Variants in DTL observed in about 807,000 individuals in gnomAD.
DTL encodes denticleless protein homolog.
Under a neutral mutation model 87.0 loss-of-function variants are expected in DTL, and 46 were observed. The observed-to-expected ratio is 0.53, with a 90% confidence interval of 0.42 to 0.68. The LOEUF (loss-of-function observed/expected upper bound fraction) is 0.68. Among genes scored for constraint, DTL ranks in the 30% least tolerant of loss-of-function variants. The pLI is 0.00. For missense variants in DTL, 737 were observed against 869.4 expected (o/e 0.85, Z 1.91); for synonymous variants, 308 against 311.2 (o/e 0.99, Z 0.11).
intron 2 of DTL, among the ~76,000 whole-genome samples, chr1:212,044,212 T>C (rs1369421867): frequency 6.6e-6 from 1 of 152,238 alleles, no homozygotes; most frequent in Non-Finnish European, 1.5e-5. Context: ...TTGTTTGCCA[T>C]TGGCCAGTAC....
At chr1:212,094,475 C>T (rs755444782) in intron 13 of DTL, among the ~76,000 whole-genome samples, 6 of 152,148 alleles carry the variant, frequency 3.9e-5, no homozygotes, top group Non-Finnish European at 5.9e-5. Context: ...TATTTTTATA[C>T]GAGTACCGTG....
At position 212,100,713 on chromosome 1, in the gene DTL, A is replaced by G. The variant is rs1655595341; in HGVS notation, c.1723A>G (p.Thr575Ala). 1 of 1,614,010 alleles carries G rather than the reference A, an allele frequency of 6.2e-7. No individual in the cohort carries two copies. Among genetic ancestry groups the G allele is most frequent in the African/African-American group, 1.3e-5 (1 of 74,912 alleles). Reference protein sequence around the residue: ...QKCVKSCNCVTELDGQVENLH... With the variant: ...QKCVKSCNCVAELDGQVENLH... ...GTGTGTGAAGAGTTGTAACTGTGTG[A>G]CTGAGCTTGATGGCCAAGTTGAAAA... The change falls in exon 14 of 15, where the codon ACT becomes GCT. Residue 575 changes from threonine to alanine, a missense_variant. By Grantham distance (58) the Thr-to-Ala change is moderately conservative. Transcript: ENST00000366991.
intron 13 of DTL, chr1:212,099,641 G>A (rs1352163371): frequency 1.3e-5 from 2 of 152,370 alleles, no homozygotes; most frequent in Non-Finnish European, 2.9e-5. Flanking sequence ...ATCAGGAATG[G>A]TTGTCCTCTT....
intron 1 of DTL, among the ~76,000 whole-genome samples, chr1:212,041,411 G>A (rs980072581): frequency 6.7e-5 from 10 of 149,440 alleles, no homozygotes; most frequent in Non-Finnish European, 1.5e-4. Flanking sequence ...TCCAAAACGT[G>A]TATATTTACA....
chr1:212,100,687 A>G lies in DTL; in HGVS notation c.1697A>G (p.Lys566Arg), dbSNP rs1365337025. The G allele has an allele frequency of 9.3e-6, 15 of 1,613,990 alleles. No homozygotes were observed. Among genetic ancestry groups the G allele is most frequent in the Non-Finnish European group, 1.3e-5 (15 of 1,180,034 alleles). ...AGCTGTCTGGAGAGTGTGAAACAAA[A>G]GTGTGTGAAGAGTTGTAACTGTGTG... is the stretch of plus-strand genomic sequence containing the variant. Reference protein sequence around the residue: ...DSSCLESVKQKCVKSCNCVTE... With the variant: ...DSSCLESVKQRCVKSCNCVTE... Residue 566 changes from lysine to arginine, a missense_variant, in exon 14 of 15, where the codon AAG (lysine) becomes AGG (arginine). Transcript: ENST00000366991.
chr1:212,095,700 T>A (rs6540717), intron 13 of DTL, among the ~76,000 whole-genome samples: 145,336 of 152,340 alleles, frequency 0.95, 69,390 homozygotes, highest in East Asian at 1. Context: ...ATATTAAACT[T>A]TCCCTGCATC....
chr1:212,038,688 G>C (rs1667554878), intron 1 of DTL, among the ~76,000 whole-genome samples: 1 of 152,098 alleles, frequency 6.6e-6, no homozygotes, highest in Admixed American at 6.5e-5. Context: ...TGGCCTCCTA[G>C]TTTGTCTGTC....
intron 11 of DTL, 22 bp downstream of exon 11, chr1:212,072,235 A>G (rs990651260): frequency 1.9e-5 from 30 of 1,553,920 alleles, no homozygotes; most frequent in Non-Finnish European, 2.6e-5. Flanking sequence ...AACTTCACCC[A>G]CAAGTGTTAG....
chr1:212,055,274 A>G (rs1326023764), intron 5 of DTL, among the ~76,000 whole-genome samples: 1 of 151,662 alleles, frequency 6.6e-6, no homozygotes, highest in East Asian at 1.9e-4. Flanking sequence ...CAGCCCAAAT[A>G]CCCACTGTGA....
At chr1:212,053,522 T>G (rs1056645847) in intron 5 of DTL, among the ~76,000 whole-genome samples, 1 of 152,178 alleles carries the variant, frequency 6.6e-6, no homozygotes, top group Non-Finnish European at 1.5e-5. Context: ...GTTTGTTTCC[T>G]GCTGAGATTT....
intron 14 of DTL, among the ~76,000 whole-genome samples, chr1:212,101,287 T>A (rs1655618702): frequency 6.6e-6 from 1 of 152,180 alleles, no homozygotes; most frequent in Non-Finnish European, 1.5e-5. Flanking sequence ...AGAAACTATT[T>A]TTGTTTGTCT....
intron 13 of DTL, among the ~76,000 whole-genome samples, chr1:212,082,212 A>G (rs979653455): frequency 5.3e-5 from 8 of 152,172 alleles, no homozygotes; most frequent in East Asian, 3.9e-4. Context: ...AAAACTGACC[A>G]ATGGATTAGG....
At chr1:212,062,978 G>T (rs1654377930) in intron 6 of DTL, 29 bp downstream of exon 6, 4 of 1,536,062 alleles carry the variant, frequency 2.6e-6, no homozygotes, top group Non-Finnish European at 3.6e-6. Flanking sequence ...AATTTTGAGA[G>T]ATTTGGGATT....
chr1:212,100,834 G>C lies in DTL; in HGVS notation c.1844G>C (p.Gly615Ala). 1 of 1,614,124 alleles carries C rather than the reference G, an allele frequency of 6.2e-7. No homozygotes were observed. Among genetic ancestry groups the C allele is most frequent in the Non-Finnish European group, 8.5e-7 (1 of 1,180,010 alleles). ...PTKSSKIEGA[G>A]TSISEPPSPI... ...AAATCAAGCAAAATTGAAGGAGCTGGTACCAGTATCTCAGAGCCTCCGTCT... is the reference window on the plus strand; with the variant it reads ...AAATCAAGCAAAATTGAAGGAGCTGCTACCAGTATCTCAGAGCCTCCGTCT... Residue 615 changes from glycine (G) to alanine (A), a missense_variant, in exon 14 of 15, where the codon GGT (glycine) becomes GCT (alanine). Physicochemically the swap from Gly to Ala is moderately conservative, Grantham distance 60 (BLOSUM62 0). Transcript: ENST00000366991.
intron 3 of DTL, among the ~76,000 whole-genome samples, chr1:212,045,392 A>T (rs1207915138): frequency 1.3e-5 from 2 of 152,238 alleles, no homozygotes; most frequent in African/African-American, 4.8e-5. Context: ...ATTAAAAACA[A>T]TTCTTCAAAA....
At chr1:212,069,635 T>A (rs1654613204) in intron 10 of DTL, among the ~76,000 whole-genome samples, 1 of 151,674 alleles carries the variant, frequency 6.6e-6, no homozygotes, top group South Asian at 2.1e-4. Flanking sequence ...ACCCTCCGCC[T>A]CCTGGGTTCA....
chr1:212,072,355 C>A (rs2102557967), intron 11 of DTL, 142 bp downstream of exon 11: 1 of 648,600 alleles, frequency 1.5e-6, no homozygotes. Flanking sequence ...GCTCTTGGCT[C>A]TTAATATAGC....
chr1:212,102,850 C>T lies in DTL; in HGVS notation c.2103C>T (p.Ile701=), dbSNP rs562117547. The T allele has an allele frequency of 6.2e-7, 1 of 1,610,272 alleles. No homozygotes were observed. The highest frequency in any genetic ancestry group is 1.1e-5 in the South Asian group (1 of 90,804). Residue 701 remains isoleucine (I), a synonymous_variant, in exon 15 of 15, where the codon ATC becomes ATT. Coordinates refer to ENST00000366991, the MANE Select transcript of DTL (RefSeq NM_016448.4). ...AAACTTTCTTCTTCTAGGTCACCAT[C>T]ACGCCCAGCTCCATGAGGAAAATCT... is the stretch of plus-strand genomic sequence containing the variant. ...SGKKLPSPVT[I]TPSSMRKICT... is the part of the protein sequence containing the mutation.
At chr1:212,088,559 G>C (rs1370376826) in intron 13 of DTL, among the ~76,000 whole-genome samples, 1 of 152,206 alleles carries the variant, frequency 6.6e-6, no homozygotes, top group Admixed American at 6.5e-5. Flanking sequence ...GAGGAAAGAA[G>C]TTGTGAATTC....
Sources: allele counts gnomAD v4.1 joint callset (sites outside exome capture counted in the v4.1 genomes callset), GRCh38; gene constraint gnomAD v4.1.1; transcripts MANE v1.5; gene names NCBI Gene and HGNC (gene_info 2026-07-23, HGNC 2026-07-21).